The following VGLL4 variants were observed in gnomAD, a reference collection of about 807,000 sequenced individuals.
VGLL4 encodes transcription cofactor vestigial-like protein 4.
In VGLL4, 7 loss-of-function variants were observed where a neutral mutation model predicts 21.0. The observed-to-expected ratio is 0.33, with a 90% CI of 0.19 to 0.63. VGLL4 has a LOEUF of 0.63. VGLL4 is among the 20% of genes least tolerant of loss of function. The pLI, the probability that VGLL4 is intolerant of heterozygous loss-of-function variation, is 0.78. For synonymous variants in VGLL4, 222 were observed against 173.2 expected, an observed-to-expected ratio of 1.28 and a Z score of -2.21; for missense variants, 394 against 425.7, an observed-to-expected ratio of 0.93 and a Z score of 0.66.
chr3:11,590,382 C>T (rs1432929695), intron 2 of VGLL4, among the ~76,000 whole-genome samples: 1 of 152,142 alleles, frequency 6.6e-6, no homozygotes, highest in Admixed American at 6.5e-5. Flanking sequence ...GTTTCTGGAG[C>T]TTGTTTCTAT....
At chr3:11,614,635 C>T (rs1199899576) in intron 1 of VGLL4, among the ~76,000 whole-genome samples, 2 of 152,216 alleles carry the variant, frequency 1.3e-5, no homozygotes, top group African/African-American at 4.8e-5. Flanking sequence ...AATTCATTAA[C>T]TCACTGTATT....
chr3:11,676,153 T>C (rs926414463), intron 2 of VGLL4, among the ~76,000 whole-genome samples: 2 of 152,210 alleles, frequency 1.3e-5, no homozygotes, highest in African/African-American at 4.8e-5. Flanking sequence ...TTTGGGAGGC[T>C]GAGGCGTGTG....
At chr3:11,640,104 A>G (rs2075661192) in intron 1 of VGLL4, among the ~76,000 whole-genome samples, 1 of 152,198 alleles carries the variant, frequency 6.6e-6, no homozygotes, top group South Asian at 2.1e-4. Context: ...AATTAGATAG[A>G]GAATACAAGG....
intron 1 of VGLL4, among the ~76,000 whole-genome samples, chr3:11,636,949 C>A (rs1240519333): frequency 6.6e-6 from 1 of 151,818 alleles, no homozygotes; most frequent in Admixed American, 6.6e-5. Flanking sequence ...CTCAAAGAGA[C>A]GCTGGCTTCA....
intron 1 of VGLL4, among the ~76,000 whole-genome samples, chr3:11,705,389 G>A (rs1268763521): frequency 6.6e-6 from 1 of 152,140 alleles, no homozygotes; most frequent in African/African-American, 2.4e-5. Flanking sequence ...AGGAGGGGAG[G>A]GCCACGGAAG....
In VGLL4 at chr3:11,622,863, G is replaced by C. The variant is rs187498894; in HGVS notation, c.82+20574C>G. Reference sequence around the variant, plus strand: ...GAGACAGATGTGAGCTCATGTAACTGAGAGGCTTCCATCTGTTGGACTGAG... The same window carrying C: ...GAGACAGATGTGAGCTCATGTAACTCAGAGGCTTCCATCTGTTGGACTGAG... On this transcript the variant is annotated intron_variant, in intron 1 of 4. Transcript: ENST00000430365. Among the ~76,000 whole-genome samples the C allele has an allele frequency of 1.5e-3, 233 of 152,348 alleles. 1 individual carries two copies. Among genetic ancestry groups the C allele is most frequent in the African/African-American group, 5.2e-3 (218 of 41,588 alleles).
At chr3:11,611,159 G>A (rs958766059) in intron 1 of VGLL4, among the ~76,000 whole-genome samples, 2 of 151,970 alleles carry the variant, frequency 1.3e-5, no homozygotes, top group African/African-American at 4.8e-5. Context: ...GGAGGAAGGG[G>A]AGCTTATTGG....
chr3:11,584,363 C>T (rs2125231516), intron 2 of VGLL4, among the ~76,000 whole-genome samples: 2 of 152,028 alleles, frequency 1.3e-5, no homozygotes, highest in Middle Eastern at 3.4e-3. Flanking sequence ...CAAAAAAACA[C>T]ACAATAACAA....
intron 2 of VGLL4, among the ~76,000 whole-genome samples, chr3:11,566,662 G>A (rs892132585): frequency 1.2e-4 from 18 of 152,216 alleles, no homozygotes; most frequent in Admixed American, 9.2e-4. Flanking sequence ...CTGTGTACAC[G>A]CGGTGCCGCT....
rs76994030 is a variant in VGLL4, at chr3:11,696,004, G to A, written c.64+6967C>T. 7.2e-5 allele frequency among the ~76,000 whole-genome samples: 11 copies of A among 152,270 alleles called. No individual in the cohort carries two copies. The East Asian group carries it at 2.1e-3, about 29-fold the overall frequency. ...CTAAAGTGCAACTTTACAAAACCAG[G>A]AGTCCTCGAAATACATAGAGAAACA... On this transcript the variant is annotated intron_variant, in intron 2 of 5. Transcript: ENST00000273038.
At chr3:11,645,602 TC>T (rs2075778642), upstream of VGLL4, among the ~76,000 whole-genome samples, 1 of 30,148 alleles carries the variant, frequency 3.3e-5, no homozygotes, top group Non-Finnish European at 7.4e-5. Flanking sequence ...AGACTCCGTC[TC>T]AAAAAAAAAA....
upstream of VGLL4, chr3:11,643,966 C>T: frequency 1.0e-6 from 1 of 992,528 alleles, no homozygotes; most frequent in Non-Finnish European, 1.2e-6. Context: ...GGAGGCCGAG[C>T]ATGCTCACTG....
At chr3:11,626,128 G>A (rs2574712) in intron 1 of VGLL4, among the ~76,000 whole-genome samples, 36,104 of 152,154 alleles carry the variant, frequency 0.24, 4,669 homozygotes, top group South Asian at 0.44. Context: ...AAGAGAGCCA[G>A]CACTGGAGAG....
chr3:11,626,968 G>C, intron 1 of VGLL4, among the ~76,000 whole-genome samples: 1 of 151,620 alleles, frequency 6.6e-6, no homozygotes. Context: ...GGGGGTGGGG[G>C]GCAGTGAAAC....
chr3:11,657,635 A>G (rs896729820), intron 2 of VGLL4, among the ~76,000 whole-genome samples: 1 of 152,186 alleles, frequency 6.6e-6, no homozygotes, highest in Non-Finnish European at 1.5e-5. Context: ...AAATGAAGAG[A>G]TCTAAAACTC....
intron 2 of VGLL4, among the ~76,000 whole-genome samples, chr3:11,669,739 G>A (rs182585621): frequency 6.6e-6 from 1 of 152,020 alleles, no homozygotes; most frequent in Non-Finnish European, 1.5e-5. Flanking sequence ...GAGAACAATG[G>A]TGTGATCACA....
chr3:11,705,216 G>A (rs1450579212), intron 1 of VGLL4, among the ~76,000 whole-genome samples: 3 of 152,220 alleles, frequency 2.0e-5, no homozygotes, highest in Non-Finnish European at 1.5e-5. Context: ...CGCACCACGT[G>A]GAACGGAGTA....
intron 2 of VGLL4, among the ~76,000 whole-genome samples, chr3:11,685,094 G>C (rs557306243): frequency 6.3e-4 from 95 of 151,664 alleles, no homozygotes; most frequent in Non-Finnish European, 1.1e-3. Context: ...TTGGTTTTTT[G>C]TTCCTGCGTT....
intron 2 of VGLL4, among the ~76,000 whole-genome samples, chr3:11,592,711 A>G (rs1380278742): frequency 1.3e-5 from 2 of 152,202 alleles, no homozygotes; most frequent in Non-Finnish European, 2.9e-5. Context: ...AGGATCACAC[A>G]GCCTGAGTTT....
Sources: gnomAD v4.1 joint callset for allele counts (sites outside exome capture counted in the v4.1 genomes callset) on GRCh38, gnomAD v4.1.1 for gene constraint, MANE v1.5 for transcripts, NCBI Gene and HGNC (gene_info 2026-07-23, HGNC 2026-07-21) for gene names.